Variants in LMOD2 observed in about 807,000 individuals in gnomAD.
The protein encoded by LMOD2 is leiomodin 2, also known as leiomodin-2.
LMOD2 carries 27 observed loss-of-function variants against 41.7 expected under a neutral mutation model. The observed-to-expected ratio is 0.65, with a 90% CI of 0.48 to 0.89. The LOEUF (loss-of-function observed/expected upper bound fraction) is 0.89, where lower values mean the gene tolerates loss of function less well. Among genes scored for constraint, LMOD2 ranks in the 40% least tolerant of loss-of-function variants. LMOD2 has a pLI of 0.00. For synonymous variants in LMOD2, 251 were observed against 244.6 expected, an observed-to-expected ratio of 1.03 and a Z score of -0.25; for missense variants, 624 against 667.9, an observed-to-expected ratio of 0.93 and a Z score of 0.72.
rs181591069 is a variant in LMOD2, at chr7:123,656,105, G to T, written c.142G>T (p.Val48Leu). The T allele has an allele frequency of 6.2e-7, 1 of 1,611,264 alleles. No individual in the cohort carries two copies. ...EDIEPDRNLP[V>L]GLRQKSLTEK... ...CATTGAACCTGACCGCAACCTTCCC[G>T]TGGGGCTAAGGCAAAAGAGCCTGAC... Residue 48 changes from valine (V) to leucine (L), a missense_variant, in exon 1 of 3, where the codon GTG becomes TTG. Physicochemically the swap from Val to Leu is conservative, Grantham distance 32 (BLOSUM62 1). Transcript: ENST00000458573.
At position 123,662,118 on chromosome 7, in the gene LMOD2, G is replaced by A. The variant is rs1802885573; in HGVS notation, c.532G>A (p.Gly178Ser). ...SQIENINLTN[G>S]SNGRNTESPA... Reference sequence around the variant, plus strand: ...AATAGAGAACATAAATTTGACCAATGGCAGCAATGGGAGGAACACAGAGTC... The same window carrying A: ...AATAGAGAACATAAATTTGACCAATAGCAGCAATGGGAGGAACACAGAGTC... The change falls in exon 2 of 3, where the codon GGC (glycine) becomes AGC (serine). Residue 178 changes from glycine (G) to serine (S), a missense_variant. By Grantham distance (56) the Gly-to-Ser change is moderately conservative. Coordinates refer to ENST00000458573, the MANE Select transcript of LMOD2 (RefSeq NM_207163.3). The surrounding 1 kb of genome is among the most constrained non-coding windows in gnomAD (Gnocchi z 4.0). 1 of 1,612,670 alleles carries A rather than the reference G, an allele frequency of 6.2e-7. No homozygotes were observed. The highest frequency in any genetic ancestry group is 1.3e-5 in the African/African-American group (1 of 74,914).
chr7:123,656,870 T>G (rs1190059362), intron 1 of LMOD2, among the ~76,000 whole-genome samples: 2 of 152,102 alleles, frequency 1.3e-5, no homozygotes, highest in Non-Finnish European at 2.9e-5. Flanking sequence ...AGACAGTGTT[T>G]CTTTTGCGAA....
At position 123,662,515 on chromosome 7, in the gene LMOD2, TG is replaced by T; in HGVS notation, c.932del (p.Gly311AlafsTer12). The T allele has an allele frequency of 6.2e-7, 1 of 1,613,896 alleles. No individual in the cohort carries two copies. The highest frequency in any genetic ancestry group is 8.5e-7 in the Non-Finnish European group (1 of 1,179,862). ...CGTTTCCATAACCAGAGGCACATCA[TG>T]GGCAGCCAGGTGGAAATGGAGATTG... ...ELRFHNQRHI[M>X]GSQVEMEIVK... On this transcript the variant is annotated frameshift_variant, in exon 2 of 3. Coordinates refer to ENST00000458573, the MANE Select transcript of LMOD2 (RefSeq NM_207163.3). LOFTEE classifies it high-confidence loss of function. The surrounding 1 kb of genome is among the most constrained non-coding windows in gnomAD (Gnocchi z 4.0).
chr7:123,662,736 A>G lies in LMOD2; in HGVS notation c.1150A>G (p.Thr384Ala). 6.2e-7 allele frequency: 1 copy of G among 1,613,952 alleles called. No homozygotes were observed. The highest frequency in any genetic ancestry group is 8.5e-7 in the Non-Finnish European group (1 of 1,179,872). ...NLRTKVWQRG[T>A]PSSSPYVSPR... ...TAGGACCAAAGTCTGGCAAAGAGGA[A>G]CACCTAGCTCTTCACCTTATGTATC... is the stretch of plus-strand genomic sequence containing the variant. The change falls in exon 2 of 3, where the codon ACA (threonine) becomes GCA (alanine). Residue 384 changes from threonine (T) to alanine (A), a missense_variant. By Grantham distance (58) the Thr-to-Ala change is moderately conservative. Transcript: ENST00000458573. This position sits in a 1 kb window ranked among gnomAD's most constrained non-coding sequence, Gnocchi z 4.0.
chr7:123,664,045 G>C lies in LMOD2; in HGVS notation c.*300G>C, dbSNP rs1802933940. On this transcript the variant is annotated 3_prime_UTR_variant, in exon 3 of 3. Transcript: ENST00000458573. The stretch of plus-strand genomic sequence containing the variant: ...GAGTTGTAATGAGTTCATGAAATGT[G>C]CTGTTATTTTTGTAATCTCAATAAA... 3.2e-6 allele frequency: 1 copy of C among 316,250 alleles called. No individual in the cohort carries two copies. Among genetic ancestry groups the C allele is most frequent in the African/African-American group, 2.1e-5 (1 of 46,796 alleles). 19.6% of individuals were successfully genotyped at this position (316,250 alleles called of 1,614,324 possible).
chr7:123,659,134 A>G (rs1227264301), intron 1 of LMOD2, among the ~76,000 whole-genome samples: 2 of 152,232 alleles, frequency 1.3e-5, no homozygotes, highest in East Asian at 3.9e-4. Context: ...TAGGGAGGTG[A>G]TCAGGAGAAA....
Position 123,655,939 on chromosome 7 carries a change from T to C in LMOD2, c.-25T>C, listed in dbSNP as rs1414407836. ...TTGAATGCCTGGTCCTTCAAGCTCC[T>C]TCTGGGTCTGACAAAGCAGGGACCA... On this transcript the variant is annotated 5_prime_UTR_variant, in exon 1 of 3. Coordinates refer to ENST00000458573, the MANE Select transcript of LMOD2 (RefSeq NM_207163.3). 4.4e-6 allele frequency: 7 copies of C among 1,585,302 alleles called. No homozygotes were observed. The highest frequency in any genetic ancestry group is 5.1e-6 in the Non-Finnish European group (6 of 1,167,528).
chr7:123,658,935 C>T (rs1255732199), intron 1 of LMOD2, among the ~76,000 whole-genome samples: 1 of 152,156 alleles, frequency 6.6e-6, no homozygotes, highest in Admixed American at 6.5e-5. Context: ...AACCGCTCAA[C>T]TACAGTTACC....
chr7:123,663,331 A>G, intron 2 of LMOD2, 128 bp downstream of exon 2: 1 of 1,183,228 alleles, frequency 8.5e-7, no homozygotes, highest in Non-Finnish European at 1.2e-6. Context: ...ATGCGAGAGC[A>G]AACACACCAA....
intron 1 of LMOD2, among the ~76,000 whole-genome samples, chr7:123,657,031 T>C (rs112837745): frequency 1.3e-5 from 2 of 152,236 alleles, no homozygotes; most frequent in African/African-American, 4.8e-5. Context: ...CACAGCTGTA[T>C]AGATGATCTC....
chr7:123,656,135 A>G lies in LMOD2; in HGVS notation c.172A>G (p.Lys58Glu). Residue 58 changes from lysine (K) to glutamate (E), a missense_variant, in exon 1 of 3, where the codon AAA becomes GAA. Lys to Glu is a moderately conservative substitution (Grantham distance 56). Coordinates refer to ENST00000458573, the MANE Select transcript of LMOD2 (RefSeq NM_207163.3). The stretch of plus-strand genomic sequence containing the variant: ...GCTAAGGCAAAAGAGCCTGACAGAG[A>G]AAACCCCCACAGGGACATTCAGCAG... ...VGLRQKSLTE[K>E]TPTGTFSREA... 6.2e-7 allele frequency: 1 copy of G among 1,610,196 alleles called. No individual in the cohort carries two copies. The highest frequency in any genetic ancestry group is 8.5e-7 in the Non-Finnish European group (1 of 1,178,252).
At chr7:123,660,769 G>C (rs1048289942) in intron 1 of LMOD2, among the ~76,000 whole-genome samples, 2 of 151,414 alleles carry the variant, frequency 1.3e-5, no homozygotes, top group African/African-American at 4.9e-5. Context: ...GCAAGAAAAA[G>C]AGAAACAAGG....
At position 123,664,041 on chromosome 7, in the gene LMOD2, A is replaced by G. The variant is rs555974803; in HGVS notation, c.*296A>G. The G allele has an allele frequency of 9.3e-6, 3 of 323,940 alleles. No individual in the cohort carries two copies. Among genetic ancestry groups the G allele is most frequent in the East Asian group, 5.0e-5 (1 of 19,958 alleles). 20.1% of individuals were successfully genotyped at this position (323,940 alleles called of 1,614,324 possible). On this transcript the variant is annotated 3_prime_UTR_variant, in exon 3 of 3. Coordinates refer to ENST00000458573, the MANE Select transcript of LMOD2 (RefSeq NM_207163.3). ...CTCCGAGTTGTAATGAGTTCATGAAATGTGCTGTTATTTTTGTAATCTCAA... is the reference window on the plus strand; with the variant it reads ...CTCCGAGTTGTAATGAGTTCATGAAGTGTGCTGTTATTTTTGTAATCTCAA...
At position 123,662,438 on chromosome 7, in the gene LMOD2, G is replaced by C; in HGVS notation, c.852G>C (p.Gly284=). Reference sequence around the variant, plus strand: ...AGTCCAACTTCATAACGGGAAAGGGGATCCTGGCCATCATGAGAGCTCTCC... The same window carrying C: ...AGTCCAACTTCATAACGGGAAAGGGCATCCTGGCCATCATGAGAGCTCTCC... The part of the protein sequence containing the change: ...NVESNFITGK[G]ILAIMRALQH... The change falls in exon 2 of 3, where the codon GGG becomes GGC. Residue 284 remains glycine, a synonymous_variant. Coordinates refer to ENST00000458573, the MANE Select transcript of LMOD2 (RefSeq NM_207163.3). The surrounding 1 kb of genome is among the most constrained non-coding windows in gnomAD (Gnocchi z 4.0). 6.2e-7 allele frequency: 1 copy of C among 1,613,952 alleles called. No individual in the cohort carries two copies. Among genetic ancestry groups the C allele is most frequent in the Non-Finnish European group, 8.5e-7 (1 of 1,179,880 alleles).
chr7:123,658,171 G>C (rs1230941090), intron 1 of LMOD2, among the ~76,000 whole-genome samples: 2 of 152,096 alleles, frequency 1.3e-5, no homozygotes, highest in East Asian at 1.9e-4. Flanking sequence ...AGGTTTTGCT[G>C]ATCCCTGCCA....
chr7:123,659,048 A>C (rs925863592), intron 1 of LMOD2, among the ~76,000 whole-genome samples: 1 of 152,202 alleles, frequency 6.6e-6, no homozygotes, highest in African/African-American at 2.4e-5. Context: ...CTAATAGCCT[A>C]CTGTGGACAG....
rs754940864 is a variant in LMOD2 at position 123,662,093 on chromosome 7, A to T, written c.507A>T (p.Gln169His). Residue 169 changes from glutamine to histidine, a missense_variant, in exon 2 of 3, where the codon CAA becomes CAT. Coordinates refer to ENST00000458573, the MANE Select transcript of LMOD2 (RefSeq NM_207163.3). The surrounding 1 kb of genome is among the most constrained non-coding windows in gnomAD (Gnocchi z 4.0). ...DNSKPKIFKS[Q>H]IENINLTNGS... ...CTAAGCCAAAGATATTTAAAAGTCA[A>T]ATAGAGAACATAAATTTGACCAATG... 6.2e-7 allele frequency: 1 copy of T among 1,610,466 alleles called. No individual in the cohort carries two copies. The highest frequency in any genetic ancestry group is 2.2e-5 in the East Asian group (1 of 44,798).
Position 123,662,604 on chromosome 7 carries a change from C to T in LMOD2, c.1018C>T (p.Pro340Ser). ...RLGYHFELPG[P>S]RMSMTSILTR... ...GGGATACCATTTTGAACTCCCAGGA[C>T]CAAGAATGAGCATGACGAGCATTTT... The change falls in exon 2 of 3, where the codon CCA (proline) becomes TCA (serine). Residue 340 changes from proline to serine, a missense_variant. Transcript: ENST00000458573. The surrounding 1 kb of genome is among the most constrained non-coding windows in gnomAD (Gnocchi z 4.0). 1 of 1,613,876 alleles carries T rather than the reference C, an allele frequency of 6.2e-7. No homozygotes were observed. The highest frequency in any genetic ancestry group is 8.5e-7 in the Non-Finnish European group (1 of 1,179,884).
chr7:123,660,817 C>T (rs1270732192), intron 1 of LMOD2, among the ~76,000 whole-genome samples: 1 of 151,466 alleles, frequency 6.6e-6, no homozygotes, highest in African/African-American at 2.4e-5. Context: ...ATCTTGTAAA[C>T]AGGAAAGACA....
Sources: gnomAD v4.1 joint callset for allele counts (sites outside exome capture counted in the v4.1 genomes callset) on GRCh38, gnomAD v4.1.1 for gene constraint, Gnocchi (gnomAD v3.1) non-coding constraint, MANE v1.5 for transcripts, NCBI Gene and HGNC (gene_info 2026-07-23, HGNC 2026-07-21) for gene names.